The following SNX5 variants were observed in gnomAD, a reference collection of about 807,000 sequenced individuals.
The protein encoded by SNX5 is sorting nexin-5.
Under a neutral mutation model 53.9 loss-of-function variants are expected in SNX5, and 31 were observed. That is an observed-to-expected ratio of 0.58 (90% CI 0.43 to 0.78). The LOEUF (loss-of-function observed/expected upper bound fraction) is 0.78. SNX5 is among the 30% of genes least tolerant of loss of function. The probability of loss-of-function intolerance (pLI) is 0.00; values close to 1 mark genes in which losing one functional copy is unlikely to be tolerated. For synonymous variants in SNX5, 168 were observed against 171.1 expected, an observed-to-expected ratio of 0.98 and a Z score of 0.14; for missense variants, 471 against 478.8, an observed-to-expected ratio of 0.98 and a Z score of 0.15.
rs1238028570 is a variant in SNX5 at position 17,947,626 on chromosome 20, G to A, written c.938C>T (p.Thr313Ile). ...EAAKDLLYRR[T>I]KALIDYENSN... ...GTTCTCATAGTCAATGAGGGCTTTG[G>A]TGCGTCTGTATAAGAGATCCTGGGA... Residue 313 changes from threonine (T) to isoleucine (I), a missense_variant, in exon 11 of 13, where the codon ACC becomes ATC. Transcript: ENST00000377759. 2 of 1,613,548 alleles carry A rather than the reference G, an allele frequency of 1.2e-6. No individual in the cohort carries two copies. The highest frequency in any genetic ancestry group is 1.7e-6 in the Non-Finnish European group (2 of 1,179,862).
At position 17,943,209 on chromosome 20, in the gene SNX5, A is replaced by C; in HGVS notation, c.1079-14T>G. On this transcript the variant is annotated splice_polypyrimidine_tract_variant and intron_variant, in intron 11 of 12. Transcript: ENST00000377759. ...AATTTATCAGTTCTACAGGAAGAAA[A>C]AATGTTTATGAAACCAAGAAAAACT... The C allele has an allele frequency of 6.4e-7, 1 of 1,558,072 alleles. No individual in the cohort carries two copies. The highest frequency in any genetic ancestry group is 8.8e-7 in the Non-Finnish European group (1 of 1,133,266).
intron 3 of SNX5, among the ~76,000 whole-genome samples, chr20:17,954,908 C>T (rs922491332): frequency 2.0e-5 from 3 of 152,170 alleles, no homozygotes; most frequent in African/African-American, 4.8e-5. Context: ...GACAGGGTCT[C>T]ATCATGTTGC....
Position 17,968,552 on chromosome 20 carries a change from G to C in SNX5, c.-127C>G, listed in dbSNP as rs746282041. The C allele has an allele frequency of 2.3e-5, 21 of 907,044 alleles. No homozygotes were observed. In the South Asian group the frequency reaches 3.4e-4, roughly 15 times the overall value. 56.2% of individuals were successfully genotyped at this position (907,044 alleles called of 1,614,324 possible). On this transcript the variant is annotated 5_prime_UTR_variant, in exon 1 of 13. Transcript: ENST00000377759. ...CCCGCCTCCGCCGGCCTCCCTGCCCGACGGCGGCAGGAGGCCTCCGGACTC... is the reference window on the plus strand; with the variant it reads ...CCCGCCTCCGCCGGCCTCCCTGCCCCACGGCGGCAGGAGGCCTCCGGACTC...
At chr20:17,946,054 G>A (rs1484448205) in intron 11 of SNX5, among the ~76,000 whole-genome samples, 1 of 152,208 alleles carries the variant, frequency 6.6e-6, no homozygotes, top group Non-Finnish European at 1.5e-5. Flanking sequence ...GAACCCCAGA[G>A]AAGATCCACA....
intron 11 of SNX5, chr20:17,947,198 C>A: frequency 3.0e-6 from 1 of 333,586 alleles, no homozygotes; most frequent in Non-Finnish European, 5.5e-6. Flanking sequence ...TGTAACCATA[C>A]AAGAGAATGT....
intron 1 of SNX5, among the ~76,000 whole-genome samples, chr20:17,966,723 G>C (rs1301678383): frequency 6.6e-6 from 1 of 152,162 alleles, no homozygotes; most frequent in Non-Finnish European, 1.5e-5. Context: ...AACAATTTAA[G>C]TAACACACAT....
At chr20:17,966,380 G>A (rs1300660680) in intron 1 of SNX5, among the ~76,000 whole-genome samples, 2 of 130,456 alleles carry the variant, frequency 1.5e-5, no homozygotes, top group African/African-American at 2.9e-5. Flanking sequence ...GCGAGACTCC[G>A]TCTCAAAAAA....
intron 4 of SNX5, among the ~76,000 whole-genome samples, chr20:17,953,434 C>A (rs145883765): frequency 6.6e-6 from 1 of 152,340 alleles, no homozygotes; most frequent in African/African-American, 2.4e-5. Context: ...TAGACCTGGA[C>A]TTCCTCTTTC....
intron 1 of SNX5, chr20:17,961,176 C>A: frequency 1.0e-6 from 1 of 985,326 alleles, no homozygotes; most frequent in Non-Finnish European, 1.2e-6. Flanking sequence ...ACATCAGACA[C>A]TGGCTGCAGG....
chr20:17,947,649 G>C lies in SNX5; in HGVS notation c.919-4C>G. The C allele has an allele frequency of 6.2e-7, 1 of 1,603,028 alleles. No individual in the cohort carries two copies. The highest frequency in any genetic ancestry group is 8.5e-7 in the Non-Finnish European group (1 of 1,176,530). The stretch of plus-strand genomic sequence containing the variant: ...TGGTGCGTCTGTATAAGAGATCCTG[G>C]GAAAAAAATTAACAGGTATACATAC... On this transcript the variant is annotated splice_region_variant and splice_polypyrimidine_tract_variant and intron_variant, in intron 10 of 12. Transcript: ENST00000377759.
In SNX5 at chr20:17,967,932, C is replaced by A. The variant is rs984141; in HGVS notation, c.51+443G>T. On this transcript the variant is annotated intron_variant, in intron 1 of 12. Transcript: ENST00000377759. ...ATGCAATTTCCCAAGTTGTTTGGGC[C>A]CCCCCCCCAAAAAAGTCTTCTCAGT... 15 of 379,746 alleles carry A rather than the reference C, an allele frequency of 4.0e-5. No homozygotes were observed. In the Admixed American group the frequency reaches 4.6e-4, roughly 12 times the overall value. The allele number at this position is 379,746 out of a possible 1,614,324, so 23.5% of individuals were successfully genotyped here.
intron 1 of SNX5, among the ~76,000 whole-genome samples, chr20:17,958,132 C>G (rs1409385639): frequency 6.6e-6 from 1 of 152,054 alleles, no homozygotes; most frequent in Non-Finnish European, 1.5e-5. Context: ...GAAAACCTGA[C>G]ACACAAGGCA....
At chr20:17,967,653 A>C in intron 1 of SNX5, 1 of 157,498 alleles carries the variant, frequency 6.3e-6, no homozygotes, top group Non-Finnish European at 1.4e-5. Flanking sequence ...TACCGAGGCA[A>C]ATTTAAAGAA....
chr20:17,952,502 C>T, intron 5 of SNX5, 85 bp downstream of exon 5: 4 of 1,339,582 alleles, frequency 3.0e-6, no homozygotes, highest in Non-Finnish European at 4.1e-6. Flanking sequence ...AAATTCAAAA[C>T]TTTAAAGCAG....
Position 17,951,578 on chromosome 20 carries a change from TTTC to T in SNX5, c.528_530del (p.Lys177del). The T allele has an allele frequency of 6.2e-7, 1 of 1,611,534 alleles. No homozygotes were observed. The highest frequency in any genetic ancestry group is 8.5e-7 in the Non-Finnish European group (1 of 1,178,160). ...AGCCACCAAACATCTCTTTAGTATT[TTTC>T]CGCCTAACACTTAGCTAAAAGAAGA... On this transcript the variant is annotated inframe_deletion, in exon 6 of 13. Transcript: ENST00000377759.
chr20:17,948,771 C>T (rs2039522237), intron 10 of SNX5, 119 bp downstream of exon 10: 8 of 765,502 alleles, frequency 1.0e-5, no homozygotes, highest in African/African-American at 1.8e-5. Flanking sequence ...GCCAGAAAGG[C>T]ATGTCATTTA....
intron 12 of SNX5, chr20:17,942,708 A>G (rs1243384271): frequency 2.3e-6 from 1 of 437,970 alleles, no homozygotes; most frequent in South Asian, 2.8e-5. Flanking sequence ...TTCTTAAGAC[A>G]CTATCAGTGC....
At chr20:17,964,091 C>T (rs1038998611) in intron 1 of SNX5, among the ~76,000 whole-genome samples, 1 of 152,098 alleles carries the variant, frequency 6.6e-6, no homozygotes, top group Admixed American at 6.6e-5. Flanking sequence ...AAAATAAATA[C>T]AAGAATTCAA....
chr20:17,945,848 C>T (rs995362040), intron 11 of SNX5, among the ~76,000 whole-genome samples: 5 of 152,150 alleles, frequency 3.3e-5, no homozygotes, highest in Non-Finnish European at 5.9e-5. Flanking sequence ...TGTTGATGAA[C>T]ACATCATTTC....
Sources: gnomAD v4.1 joint callset for allele counts (sites outside exome capture counted in the v4.1 genomes callset) on GRCh38, gnomAD v4.1.1 for gene constraint, MANE v1.5 for transcripts, NCBI Gene and HGNC (gene_info 2026-07-23, HGNC 2026-07-21) for gene names.